SYT6: variants seen among roughly 807,000 people sequenced by gnomAD.
The protein encoded by SYT6 is synaptotagmin-6.
A neutral mutation model predicts 38.4 loss-of-function variants in SYT6; 24 were observed. The observed-to-expected ratio is 0.62, with a 90% CI of 0.45 to 0.88. The LOEUF (loss-of-function observed/expected upper bound fraction) is 0.88, where lower values mean the gene tolerates loss of function less well. Among genes scored for constraint, SYT6 ranks in the 40% least tolerant of loss-of-function variants. The pLI, the probability that SYT6 is intolerant of heterozygous loss-of-function variation, is 0.00. For missense variants in SYT6, 611 were observed against 621.0 expected, an observed-to-expected ratio of 0.98 and a Z score of 0.17; for synonymous variants, 265 against 241.9, an observed-to-expected ratio of 1.10 and a Z score of -0.89.
chr1:114,091,091 G>T lies in SYT6; in HGVS notation c.*1043C>A, dbSNP rs527527132. 6.5e-6 allele frequency: 1 copy of T among 152,884 alleles called. No homozygotes were observed. Among genetic ancestry groups the T allele is most frequent in the African/African-American group, 2.4e-5 (1 of 41,560 alleles). The allele number at this position is 152,884 out of a possible 1,614,324, so 9.5% of individuals were successfully genotyped here. A position where few individuals can be genotyped will look rare whatever the true frequency, so the allele number is the denominator to read the frequency against. On this transcript the variant is annotated 3_prime_UTR_variant, in exon 8 of 8. Transcript: ENST00000610222. ...ATTTCAAAACTCCCCATTTGGAAAA[G>T]AACATTTAATCTAGGTTTTTCTTTA... is the stretch of plus-strand genomic sequence containing the variant.
At chr1:114,092,332 CTCTCTCTGTGTGTGTGTG>C (rs958849884) in intron 7 of SYT6, among the ~76,000 whole-genome samples, 1 of 138,762 alleles carries the variant, frequency 7.2e-6, no homozygotes, top group Admixed American at 8.3e-5. Context: ...CTCTCTCTCT[CTCTCTCTGTGTGTGTGTG>C]TGTGTGTGTG....
intron 3 of SYT6, among the ~76,000 whole-genome samples, chr1:114,113,981 C>T (rs1024079162): frequency 6.6e-5 from 10 of 152,344 alleles, no homozygotes; most frequent in Non-Finnish European, 1.3e-4. Context: ...TCACAGGCTT[C>T]CTCAAATGCC....
chr1:114,099,114 G>A lies in SYT6; in HGVS notation c.1344C>T (p.Ile448=). ...PENMDQVSLL[I]SVMDYDRVGH... ...CCTACCGATCATAGTCCATGACTGA[G>A]ATGAGCAGGCTGACTTGATCCATGT... Residue 448 remains isoleucine, a synonymous_variant, in exon 5 of 8, where the codon ATC becomes ATT. Transcript: ENST00000610222. 1 of 1,613,732 alleles carries A rather than the reference G, an allele frequency of 6.2e-7. No homozygotes were observed. Among genetic ancestry groups the A allele is most frequent in the South Asian group, 1.1e-5 (1 of 90,982 alleles).
At chr1:114,128,549 C>T (rs761072322) in intron 3 of SYT6, among the ~76,000 whole-genome samples, 2 of 152,186 alleles carry the variant, frequency 1.3e-5, no homozygotes, top group African/African-American at 2.4e-5. Flanking sequence ...TAACACGGCC[C>T]GTGTCCCCGT....
In SYT6 at chr1:114,153,762, A is replaced by C; in HGVS notation, c.11T>G (p.Val4Gly). 1 of 680,256 alleles carries C rather than the reference A, an allele frequency of 1.5e-6. No individual in the cohort carries two copies. The highest frequency in any genetic ancestry group is 2.7e-6 in the Non-Finnish European group (1 of 375,826). The allele number at this position is 680,256 out of a possible 1,614,324, so 42.1% of individuals were successfully genotyped here. A position where few individuals can be genotyped will look rare whatever the true frequency, so the allele number is the denominator to read the frequency against. Residue 4 changes from valine to glycine, a missense_variant, in exon 1 of 8, where the codon GTG becomes GGG. Physicochemically the swap from Val to Gly is moderately radical, Grantham distance 109. Transcript: ENST00000610222. MSG[V>G]WGAGGPRCQE... ...GCACCGAGGCCCGCCGGCCCCCCAC[A>C]CTCCGCTCATGCCCTAGACACCCAG...
At chr1:114,127,535 G>A (rs1677816991) in intron 3 of SYT6, among the ~76,000 whole-genome samples, 1 of 152,158 alleles carries the variant, frequency 6.6e-6, no homozygotes, top group African/African-American at 2.4e-5. Flanking sequence ...GAGCATGGAG[G>A]GACCCCTCCC....
Position 114,140,598 on chromosome 1 carries a change from C to T in SYT6, c.164-635G>A, listed in dbSNP as rs926240213. 2.6e-5 allele frequency among the ~76,000 whole-genome samples: 4 copies of T among 152,132 alleles called. No individual in the cohort carries two copies. The South Asian group carries it at 8.3e-4, about 32-fold the overall frequency. On this transcript the variant is annotated intron_variant, in intron 1 of 7. Transcript: ENST00000610222. The stretch of plus-strand genomic sequence containing the variant: ...GGCAAGGATTATGTTCTTCTGTACT[C>T]CCAGAACTCTGTGCATAGTAGGCTC...
chr1:114,095,834 GT>G (rs905377594), intron 6 of SYT6, among the ~76,000 whole-genome samples: 3 of 151,984 alleles, frequency 2.0e-5, no homozygotes, highest in Non-Finnish European at 4.4e-5. Flanking sequence ...CTAATTTTTT[GT>G]ATTTTTAGTA....
In SYT6 at chr1:114,119,049, G is replaced by A. The variant is rs181680920; in HGVS notation, c.1072-15328C>T. Among the ~76,000 whole-genome samples, 68 of 152,302 alleles carry A rather than the reference G, an allele frequency of 4.5e-4. 1 individual carries two copies. The highest frequency in any genetic ancestry group is 8.5e-4 in the Non-Finnish European group (58 of 68,020). On this transcript the variant is annotated intron_variant, in intron 3 of 7. Transcript: ENST00000610222. ...CTTCCTAGAGATAAAGGTGGGAATC[G>A]GGTCGGCCTGACGTCTCTCTTTAAA...
intron 4 of SYT6, among the ~76,000 whole-genome samples, chr1:114,102,408 A>C (rs1676025758): frequency 6.6e-6 from 1 of 152,020 alleles, no homozygotes; most frequent in African/African-American, 2.4e-5. Flanking sequence ...CCTTGTCCTG[A>C]AACTTCAGTT....
Position 114,139,732 on chromosome 1 carries a change from A to G in SYT6, c.395T>C (p.Val132Ala). The G allele has an allele frequency of 6.2e-7, 1 of 1,614,110 alleles. No individual in the cohort carries two copies. Among genetic ancestry groups the G allele is most frequent in the Non-Finnish European group, 8.5e-7 (1 of 1,180,028 alleles). Residue 132 changes from valine to alanine, a missense_variant, in exon 2 of 8, where the codon GTG (valine) becomes GCG (alanine). By Grantham distance (64) the Val-to-Ala change is moderately conservative. Transcript: ENST00000610222. ...PSTLGFLEAA[V>A]KISHTSPDIP... ...ATCTGGGGACGTGTGGCTGATCTTC[A>G]CGGCCGCCTCCAGGAAGCCCAGGGT...
intron 3 of SYT6, among the ~76,000 whole-genome samples, chr1:114,136,451 TG>T (rs1322611801): frequency 6.6e-6 from 1 of 152,196 alleles, no homozygotes. Context: ...CTCAGCTGCC[TG>T]GGGGTGCTTA....
rs535873377 is a variant in SYT6 at position 114,092,013 on chromosome 1, A to G, written c.*121T>C. ...TTTGTGTTATTTGGCTGCACATCTC[A>G]TGGTGTTGGAGGTGGTTTCGGAGAT... On this transcript the variant is annotated 3_prime_UTR_variant, in exon 8 of 8. Transcript: ENST00000610222. 2.0e-6 allele frequency: 3 copies of G among 1,527,572 alleles called. No individual in the cohort carries two copies. The highest frequency in any genetic ancestry group is 1.8e-6 in the Non-Finnish European group (2 of 1,139,550). The allele number at this position is 1,527,572 out of a possible 1,614,324, so 94.6% of individuals were successfully genotyped here.
chr1:114,134,610 C>T (rs984398553), intron 3 of SYT6, among the ~76,000 whole-genome samples: 6 of 152,156 alleles, frequency 3.9e-5, no homozygotes, highest in East Asian at 3.9e-4. Context: ...TGGAGGATGA[C>T]GGCAGGTAGG....
chr1:114,149,721 G>A (rs989174695), intron 1 of SYT6, among the ~76,000 whole-genome samples: 8 of 152,046 alleles, frequency 5.3e-5, no homozygotes, highest in Non-Finnish European at 1.0e-4. Context: ...GATCAAGGCT[G>A]GAGTGATGGA....
intron 3 of SYT6, among the ~76,000 whole-genome samples, chr1:114,111,612 G>T (rs1356484432): frequency 6.6e-6 from 1 of 152,188 alleles, no homozygotes; most frequent in Admixed American, 6.5e-5. Flanking sequence ...ACCCCCTCTT[G>T]GGTCACCTCC....
intron 3 of SYT6, among the ~76,000 whole-genome samples, chr1:114,134,164 G>A (rs190438593): frequency 5.3e-5 from 8 of 152,204 alleles, no homozygotes; most frequent in Non-Finnish European, 1.2e-4. Flanking sequence ...TCTCTGCTTT[G>A]GTCCAGACTA....
At chr1:114,093,857 T>A in intron 6 of SYT6, 54 bp from the exon 7 acceptor site, 1 of 1,557,142 alleles carries the variant, frequency 6.4e-7, no homozygotes. Context: ...CACTGTGGCT[T>A]CTGACTCAAG....
At chr1:114,126,904 C>T (rs893836335) in intron 3 of SYT6, among the ~76,000 whole-genome samples, 1 of 152,178 alleles carries the variant, frequency 6.6e-6, no homozygotes, top group African/African-American at 2.4e-5. Context: ...ATGGGGCTGT[C>T]TGGAGGCTAG....
Sources: allele counts gnomAD v4.1 joint callset (sites outside exome capture counted in the v4.1 genomes callset), GRCh38; gene constraint gnomAD v4.1.1; transcripts MANE v1.5; gene names NCBI Gene and HGNC (gene_info 2026-07-23, HGNC 2026-07-21).